The following ARIH1 variants were observed in gnomAD, a reference collection of about 807,000 sequenced individuals.
ARIH1 encodes E3 ubiquitin-protein ligase ARIH1.
In ARIH1, 8 loss-of-function variants were observed where a neutral mutation model predicts 85.0. The observed-to-expected ratio is 0.09, with a 90% CI of 0.06 to 0.17. The LOEUF (loss-of-function observed/expected upper bound fraction) is 0.17, where lower values mean the gene tolerates loss of function less well. ARIH1 is among the 10% of genes least tolerant of loss of function. The pLI is 1.00. For missense variants in ARIH1, 311 were observed against 718.1 expected, an observed-to-expected ratio of 0.43 and a Z score of 6.48; for synonymous variants, 238 against 253.6, an observed-to-expected ratio of 0.94 and a Z score of 0.59.
chr15:72,503,176 A>G (rs1024150505), intron 1 of ARIH1, among the ~76,000 whole-genome samples: 3 of 152,180 alleles, frequency 2.0e-5, no homozygotes, highest in Non-Finnish European at 4.4e-5. Flanking sequence ...ATTATAATAT[A>G]TATGTGGGAG....
At chr15:72,477,339 C>G (rs1465440079) in intron 1 of ARIH1, among the ~76,000 whole-genome samples, 1 of 152,108 alleles carries the variant, frequency 6.6e-6, no homozygotes, top group East Asian at 1.9e-4. Flanking sequence ...TAGCAGTTAT[C>G]TAGGTTTTTA....
At chr15:72,524,851 AAAT>A (rs1186315222) in intron 2 of ARIH1, among the ~76,000 whole-genome samples, 10 of 152,204 alleles carry the variant, frequency 6.6e-5, no homozygotes, top group African/African-American at 2.4e-4. Context: ...TTTATAAATA[AAAT>A]AATGATTGAA....
At chr15:72,534,269 T>G (rs2064070961) in intron 2 of ARIH1, among the ~76,000 whole-genome samples, 1 of 152,058 alleles carries the variant, frequency 6.6e-6, no homozygotes, top group Admixed American at 6.5e-5. Context: ...TTACATTGTT[T>G]AAGGATGCAT....
intron 1 of ARIH1, among the ~76,000 whole-genome samples, chr15:72,517,478 G>A (rs1365562953): frequency 1.3e-5 from 2 of 151,740 alleles, no homozygotes; most frequent in South Asian, 2.1e-4. Context: ...AGGCTGGAGT[G>A]CAGTGGTGGG....
chr15:72,529,278 T>C (rs1595862324), intron 2 of ARIH1, among the ~76,000 whole-genome samples: 1 of 152,198 alleles, frequency 6.6e-6, no homozygotes, highest in East Asian at 1.9e-4. Context: ...TATCTCACTA[T>C]CTCACCTAGA....
intron 2 of ARIH1, among the ~76,000 whole-genome samples, chr15:72,542,531 C>A (rs1298912288): frequency 6.6e-6 from 1 of 152,022 alleles, no homozygotes; most frequent in East Asian, 1.9e-4. Context: ...ATTTAAATGT[C>A]CTTCAGAATA....
chr15:72,525,034 G>A (rs889441146), intron 2 of ARIH1, among the ~76,000 whole-genome samples: 5 of 152,062 alleles, frequency 3.3e-5, no homozygotes, highest in Non-Finnish European at 7.4e-5. Flanking sequence ...CTACAGGTGC[G>A]TGCCACCATC....
intron 1 of ARIH1, among the ~76,000 whole-genome samples, chr15:72,493,227 G>C (rs1229121361): frequency 6.6e-6 from 1 of 152,066 alleles, no homozygotes; most frequent in Non-Finnish European, 1.5e-5. Flanking sequence ...TTAACATATT[G>C]GAGACTAGCA....
At chr15:72,567,260 C>G (rs1311618763) in intron 9 of ARIH1, 83 bp downstream of exon 9, 3 of 1,022,192 alleles carry the variant, frequency 2.9e-6, no homozygotes, top group Non-Finnish European at 2.9e-6. Flanking sequence ...ATGAGGTGAC[C>G]TACTTACAGG....
chr15:72,509,316 A>G (rs1170522198), intron 1 of ARIH1, among the ~76,000 whole-genome samples: 1 of 152,100 alleles, frequency 6.6e-6, no homozygotes, highest in South Asian at 2.1e-4. Context: ...AAAGAACTTC[A>G]CTACAGGTGC....
chr15:72,478,165 G>A (rs1165563208), intron 1 of ARIH1, among the ~76,000 whole-genome samples: 1 of 151,052 alleles, frequency 6.6e-6, no homozygotes, highest in Non-Finnish European at 1.5e-5. Context: ...GCCCAGGTTG[G>A]AGTGCAGTGG....
At chr15:72,499,700 A>G (rs971505104) in intron 1 of ARIH1, among the ~76,000 whole-genome samples, 1 of 152,172 alleles carries the variant, frequency 6.6e-6, no homozygotes, top group Admixed American at 6.5e-5. Context: ...TCTGGTAGCA[A>G]GATGGTTTGG....
intron 2 of ARIH1, among the ~76,000 whole-genome samples, chr15:72,523,912 G>A (rs990333497): frequency 1.3e-5 from 2 of 150,104 alleles, no homozygotes; most frequent in Non-Finnish European, 3.0e-5. Context: ...TTAGAGGTAG[G>A]AAAAATACCG....
intron 3 of ARIH1, among the ~76,000 whole-genome samples, chr15:72,551,387 T>G (rs1016433993): frequency 2.0e-5 from 3 of 152,052 alleles, no homozygotes; most frequent in African/African-American, 7.2e-5. Context: ...CAGGATAGAG[T>G]CAAATATGCA....
intron 10 of ARIH1, among the ~76,000 whole-genome samples, chr15:72,571,249 C>G (rs2064244975): frequency 6.6e-6 from 1 of 151,392 alleles, no homozygotes; most frequent in African/African-American, 2.4e-5. Context: ...CTCTGAAACT[C>G]TGTAGTTATG....
chr15:72,478,204 C>T (rs992486158), intron 1 of ARIH1, among the ~76,000 whole-genome samples: 1 of 152,140 alleles, frequency 6.6e-6, no homozygotes, highest in Non-Finnish European at 1.5e-5. Context: ...CAACCTCCGC[C>T]TCTTGGGTTC....
At chr15:72,569,971 T>C (rs1042908700) in intron 9 of ARIH1, among the ~76,000 whole-genome samples, 2 of 152,238 alleles carry the variant, frequency 1.3e-5, no homozygotes, top group East Asian at 3.8e-4. Flanking sequence ...TAAATTGTTG[T>C]ATGTCTTAAA....
At chr15:72,513,540 A>G (rs1036010423) in intron 1 of ARIH1, among the ~76,000 whole-genome samples, 2 of 152,152 alleles carry the variant, frequency 1.3e-5, no homozygotes, top group African/African-American at 4.8e-5. Context: ...AAAATAGTGT[A>G]TAATATTTAC....
chr15:72,510,320 G>A (rs114088741), intron 1 of ARIH1, among the ~76,000 whole-genome samples: 1,733 of 152,102 alleles, frequency 0.011, 30 homozygotes, highest in African/African-American at 0.04. Flanking sequence ...TTTCTCTAAT[G>A]GATTGTGCTT....
Sources: allele counts gnomAD v4.1 joint callset (sites outside exome capture counted in the v4.1 genomes callset), GRCh38; gene constraint gnomAD v4.1.1; transcripts MANE v1.5; gene names NCBI Gene and HGNC (gene_info 2026-07-23, HGNC 2026-07-21).